The following LINGO2 variants were observed in gnomAD, a reference collection of about 807,000 sequenced individuals.
LINGO2 encodes leucine rich repeat and Ig domain containing 2.
In LINGO2, 14 loss-of-function variants were observed where a neutral mutation model predicts 30.6. The ratio of observed to expected loss-of-function variants is 0.46; its 90% CI spans 0.30 to 0.72. The LOEUF is 0.72. Among genes scored for constraint, LINGO2 ranks in the 30% least tolerant of loss-of-function variants. LINGO2 has a pLI of 0.07. For missense variants in LINGO2, 729 were observed against 751.7 expected (o/e 0.97, Z 0.35); for synonymous variants, 317 against 288.5 (o/e 1.10, Z -1.00).
chr9:29,195,739 G>T, the LINGO2 span, among the ~76,000 whole-genome samples: 8 of 152,174 alleles, frequency 5.3e-5, no homozygotes, highest in South Asian at 1.7e-3. Flanking sequence ...AATTTAATCT[G>T]GACATACTTT....
the LINGO2 span, among the ~76,000 whole-genome samples, chr9:29,084,154 C>T: frequency 4.0e-5 from 6 of 151,436 alleles, no homozygotes; most frequent in Non-Finnish European, 8.8e-5. Flanking sequence ...CAATTCATGA[C>T]AAAGGTGTCT....
chr9:28,686,946 T>C, the LINGO2 span, among the ~76,000 whole-genome samples: 1 of 152,032 alleles, frequency 6.6e-6, no homozygotes, highest in Non-Finnish European at 1.5e-5. Flanking sequence ...TCAAATTCTG[T>C]GTCACACCTG....
chr9:28,051,487 T>A (rs1824669859), intron 4 of LINGO2, among the ~76,000 whole-genome samples: 1 of 151,828 alleles, frequency 6.6e-6, no homozygotes, highest in Admixed American at 6.6e-5. Flanking sequence ...GTATTTTGCA[T>A]ATATTTATCC....
chr9:28,376,087 CTTTT>C (rs75147834), intron 2 of LINGO2, among the ~76,000 whole-genome samples: 1 of 138,740 alleles, frequency 7.2e-6, no homozygotes, highest in Non-Finnish European at 1.6e-5. Context: ...ACTTTCCTTG[CTTTT>C]TTTTTTTTTT....
chr9:29,165,913 T>C, the LINGO2 span, among the ~76,000 whole-genome samples: 1 of 152,130 alleles, frequency 6.6e-6, no homozygotes, highest in Non-Finnish European at 1.5e-5. Flanking sequence ...AAAAGTTCTA[T>C]ATTATCTAAC....
At chr9:28,009,546 A>G (rs1390834377) in intron 5 of LINGO2, among the ~76,000 whole-genome samples, 2 of 152,166 alleles carry the variant, frequency 1.3e-5, no homozygotes, top group Non-Finnish European at 2.9e-5. Context: ...TTAAAAATAG[A>G]CAAAAGATCT....
the LINGO2 span, among the ~76,000 whole-genome samples, chr9:28,733,859 C>A: frequency 6.6e-6 from 1 of 151,956 alleles, no homozygotes. Context: ...AAAAAAAATG[C>A]AACAACCTTT....
chr9:29,176,114 T>G, the LINGO2 span, among the ~76,000 whole-genome samples: 1 of 152,298 alleles, frequency 6.6e-6, no homozygotes, highest in Admixed American at 6.5e-5. Flanking sequence ...TCTGGCATTT[T>G]AAACATATTA....
rs368339971 is a variant in LINGO2, at chr9:27,965,229, G to A, written c.-35-14523C>T. 2.6e-5 allele frequency among the ~76,000 whole-genome samples: 4 copies of A among 152,086 alleles called. No homozygotes were observed. In the East Asian group the frequency reaches 5.8e-4, roughly 22 times the overall value. ...TCATTTGCCTAATGTTACAGTCTCA[G>A]TAAGGGAACAAGTATTTCTATCCAG... is the stretch of plus-strand genomic sequence containing the variant. On this transcript the variant is annotated intron_variant, in intron 5 of 5. Transcript: ENST00000379992.
chr9:27,987,586 G>A (rs374477871), intron 5 of LINGO2, among the ~76,000 whole-genome samples: 37 of 151,920 alleles, frequency 2.4e-4, no homozygotes, highest in Middle Eastern at 3.4e-3. Context: ...CGTTAGCTTC[G>A]TATGCCAAAG....
the LINGO2 span, among the ~76,000 whole-genome samples, chr9:28,788,869 G>A: frequency 6.6e-6 from 1 of 152,112 alleles, no homozygotes; most frequent in African/African-American, 2.4e-5. Flanking sequence ...ATTTGGGTGA[G>A]GACACAAAGC....
chr9:28,375,929 C>T lies in LINGO2; in HGVS notation c.-278-3061G>A, dbSNP rs375605471. ...ATCCTACACCAAATTACTTTGGGCTCCTGTGCCAAGAGATTGGCAGCAAGG... is the reference window on the plus strand; with the variant it reads ...ATCCTACACCAAATTACTTTGGGCTTCTGTGCCAAGAGATTGGCAGCAAGG... On this transcript the variant is annotated intron_variant, in intron 2 of 5. Transcript: ENST00000379992. Among the ~76,000 whole-genome samples the T allele has an allele frequency of 2.0e-4, 31 of 152,248 alleles. No individual in the cohort carries two copies. The East Asian group carries it at 3.9e-3, about 19-fold the overall frequency.
chr9:28,904,620 AC>A, the LINGO2 span, among the ~76,000 whole-genome samples: 2 of 152,008 alleles, frequency 1.3e-5, no homozygotes, highest in African/African-American at 4.8e-5. Context: ...ATACAAAAAA[AC>A]TTTAAAAATA....
intron 5 of LINGO2, among the ~76,000 whole-genome samples, chr9:27,995,833 T>C (rs779801725): frequency 2.0e-4 from 30 of 152,264 alleles, no homozygotes; most frequent in Non-Finnish European, 4.3e-4. Flanking sequence ...TCACCACTTA[T>C]ATTCAACATA....
chr9:28,358,284 A>C (rs991242708), intron 3 of LINGO2, among the ~76,000 whole-genome samples: 5 of 152,160 alleles, frequency 3.3e-5, no homozygotes, highest in African/African-American at 1.2e-4. Context: ...AAGTTAAGTT[A>C]CATCTCCAGG....
chr9:28,614,282 T>C (rs990577248), intron 1 of LINGO2, among the ~76,000 whole-genome samples: 3 of 152,164 alleles, frequency 2.0e-5, no homozygotes, highest in African/African-American at 4.8e-5. Flanking sequence ...GCCAGACCTA[T>C]GTGTTTCCTA....
chr9:29,116,662 C>T, the LINGO2 span, among the ~76,000 whole-genome samples: 1 of 150,810 alleles, frequency 6.6e-6, no homozygotes, highest in Non-Finnish European at 1.5e-5. Flanking sequence ...AGTATTTGAA[C>T]TTTATGATAA....
chr9:29,056,055 G>T, the LINGO2 span, among the ~76,000 whole-genome samples: 20 of 151,858 alleles, frequency 1.3e-4, no homozygotes, highest in African/African-American at 4.1e-4. Flanking sequence ...TTGTTACTGT[G>T]AAATGTTCTG....
At chr9:28,224,865 G>A (rs564907397) in intron 4 of LINGO2, among the ~76,000 whole-genome samples, 12 of 152,056 alleles carry the variant, frequency 7.9e-5, no homozygotes, top group Admixed American at 6.6e-5. Context: ...CCACACTACC[G>A]GAATCGAAAT....
Sources: allele counts gnomAD v4.1 joint callset (sites outside exome capture counted in the v4.1 genomes callset), GRCh38; gene constraint gnomAD v4.1.1; transcripts MANE v1.5; gene names NCBI Gene and HGNC (gene_info 2026-07-23, HGNC 2026-07-21).